EPC1: variants seen among roughly 807,000 people sequenced by gnomAD.
EPC1 encodes enhancer of polycomb homolog 1.
In EPC1, 12 loss-of-function variants were observed where a neutral mutation model predicts 98.4. That is an observed-to-expected ratio of 0.12 (90% CI 0.08 to 0.20). The LOEUF is 0.20. Ranked by LOEUF, EPC1 falls within the 10% of genes least tolerant of loss-of-function variation. The pLI, the probability that EPC1 is intolerant of heterozygous loss-of-function variation, is 1.00. For missense variants in EPC1, 729 were observed against 990.5 expected, an observed-to-expected ratio of 0.74 and a Z score of 3.54; for synonymous variants, 357 against 363.9, an observed-to-expected ratio of 0.98 and a Z score of 0.21.
intron 11 of EPC1, 152 bp downstream of exon 11, chr10:32,273,011 C>CA: frequency 6.2e-7 from 1 of 1,612,820 alleles, no homozygotes; most frequent in East Asian, 2.2e-5. Context: ...CTTCCATACT[C>CA]ACCTGTAGTG....
chr10:32,324,445 C>T (rs971272840), intron 1 of EPC1, among the ~76,000 whole-genome samples: 2 of 150,298 alleles, frequency 1.3e-5, no homozygotes, highest in Non-Finnish European at 3.0e-5. Flanking sequence ...GCAGAAGAAT[C>T]GCTTGAACTC....
chr10:32,336,963 AT>A (rs1241985852), intron 1 of EPC1, among the ~76,000 whole-genome samples: 1 of 152,096 alleles, frequency 6.6e-6, no homozygotes, highest in Non-Finnish European at 1.5e-5. Flanking sequence ...TACCTGGGTT[AT>A]TTCTATGTCT....
At chr10:32,271,941 T>C (rs545836962) in intron 12 of EPC1, 24 bp from the exon 13 acceptor site, 16 of 1,605,300 alleles carry the variant, frequency 1.0e-5, no homozygotes, top group East Asian at 4.5e-5. Context: ...GAAAGAAACA[T>C]CTAAACAATG....
In EPC1 at chr10:32,322,286, C is replaced by T. The variant is rs533201809; in HGVS notation, c.154-16355G>A. ...CCTCTGGATTTCTAACACTTTGCTTCTATCTTTGACACATTTACTATACCA... is the reference window on the plus strand; with the variant it reads ...CCTCTGGATTTCTAACACTTTGCTTTTATCTTTGACACATTTACTATACCA... On this transcript the variant is annotated intron_variant, in intron 1 of 13. Transcript: ENST00000319778. Among the ~76,000 whole-genome samples, 3 of 152,180 alleles carry T rather than the reference C, an allele frequency of 2.0e-5. No individual in the cohort carries two copies. The South Asian group carries it at 6.2e-4, about 32-fold the overall frequency.
Position 32,372,786 on chromosome 10 carries a change from C to T in EPC1, c.3+5705G>A, listed in dbSNP as rs575027187. Among the ~76,000 whole-genome samples, 5 of 152,298 alleles carry T rather than the reference C, an allele frequency of 3.3e-5. No homozygotes were observed. The East Asian group carries it at 7.7e-4, about 24-fold the overall frequency. ...CCTGTAATCCCAGCACTTTGGCAGC[C>T]GAGGCGGGTGGATCACCTGAGATCA... On this transcript the variant is annotated intron_variant, in intron 1 of 13. Coordinates refer to the EPC1 transcript ENST00000375110.
chr10:32,335,767 CTGA>C (rs2132996223), intron 1 of EPC1, among the ~76,000 whole-genome samples: 1 of 152,290 alleles, frequency 6.6e-6, no homozygotes, highest in East Asian at 1.9e-4. Flanking sequence ...CTCGCCCACG[CTGA>C]TCTTTTCCTC....
chr10:32,344,106 G>A (rs1230226882), intron 1 of EPC1, among the ~76,000 whole-genome samples: 1 of 152,248 alleles, frequency 6.6e-6, no homozygotes, highest in East Asian at 1.9e-4. Context: ...CTCTTTATTA[G>A]AAGTACAAAA....
chr10:32,277,613 G>A (rs183873563), intron 10 of EPC1, among the ~76,000 whole-genome samples: 300 of 152,236 alleles, frequency 2.0e-3, no homozygotes, highest in Middle Eastern at 3.4e-3. Context: ...AAGCTGGAGT[G>A]CAGTGGTGTG....
intron 10 of EPC1, chr10:32,282,131 T>C (rs1836442282): frequency 6.6e-6 from 1 of 152,212 alleles, no homozygotes; most frequent in African/African-American, 2.4e-5. Flanking sequence ...CCTACAGTAG[T>C]CTGTAGGTAT....
At chr10:32,350,710 A>G (rs912996414), upstream of EPC1, among the ~76,000 whole-genome samples, 1 of 152,232 alleles carries the variant, frequency 6.6e-6, no homozygotes, top group Non-Finnish European at 1.5e-5. Context: ...ATAGCACAAG[A>G]AATGTGATTT....
intron 1 of EPC1, among the ~76,000 whole-genome samples, chr10:32,360,723 G>A (rs146691656): frequency 0.012 from 1,817 of 152,148 alleles, 40 homozygotes; most frequent in African/African-American, 0.042. Context: ...GTGAAACCCC[G>A]TCTCTACTAA....
chr10:32,288,839 C>G (rs1376578694), intron 6 of EPC1, among the ~76,000 whole-genome samples: 1 of 151,858 alleles, frequency 6.6e-6, no homozygotes, highest in African/African-American at 2.4e-5. Context: ...CCTGTAATCC[C>G]AGCACTTTGG....
chr10:32,362,715 T>G (rs945710606), intron 1 of EPC1, among the ~76,000 whole-genome samples: 1 of 152,158 alleles, frequency 6.6e-6, no homozygotes, highest in African/African-American at 2.4e-5. Context: ...ACCTGGATAG[T>G]TTTTGGCCCA....
chr10:32,361,383 C>T (rs775926409), intron 1 of EPC1, among the ~76,000 whole-genome samples: 3 of 152,098 alleles, frequency 2.0e-5, no homozygotes, highest in Non-Finnish European at 4.4e-5. Context: ...ATGCCACCCC[C>T]AAAATTTATT....
At chr10:32,355,376 A>C (rs1839241177) in intron 1 of EPC1, among the ~76,000 whole-genome samples, 1 of 152,214 alleles carries the variant, frequency 6.6e-6, no homozygotes, top group Non-Finnish European at 1.5e-5. Context: ...CCAACAATTA[A>C]TTTCTCAGAA....
intron 13 of EPC1, among the ~76,000 whole-genome samples, chr10:32,270,821 C>CA (rs55931034): frequency 1.9e-4 from 11 of 57,984 alleles, no homozygotes; most frequent in African/African-American, 2.7e-4. Context: ...GACTCGGTCT[C>CA]AAAAAAAAAA....
At chr10:32,327,856 T>A (rs970506025) in intron 1 of EPC1, among the ~76,000 whole-genome samples, 1 of 152,234 alleles carries the variant, frequency 6.6e-6, no homozygotes, top group African/African-American at 2.4e-5. Context: ...GAGTCATGTC[T>A]GTGATCTGTT....
intron 10 of EPC1, among the ~76,000 whole-genome samples, chr10:32,273,736 GTA>G (rs1296091203): frequency 6.6e-6 from 1 of 151,938 alleles, no homozygotes; most frequent in Non-Finnish European, 1.5e-5. Context: ...ATGGCTCTGT[GTA>G]TATATACTAA....
At position 32,287,090 on chromosome 10, in the gene EPC1, A is replaced by G. The variant is rs755108706; in HGVS notation, c.1152+8T>C. 25 of 1,614,088 alleles carry G rather than the reference A, an allele frequency of 1.5e-5. No individual in the cohort carries two copies. Among genetic ancestry groups the G allele is most frequent in the Non-Finnish European group, 2.1e-5 (25 of 1,180,002 alleles). ...CTCCTCAATGTTCATAGAGAATTGTATTTGTACCTGGGAGAGAGGTTCTTC... is the reference window on the plus strand; with the variant it reads ...CTCCTCAATGTTCATAGAGAATTGTGTTTGTACCTGGGAGAGAGGTTCTTC... On this transcript the variant is annotated splice_region_variant and intron_variant, in intron 7 of 13. Coordinates refer to ENST00000319778, the MANE Select transcript of EPC1 (RefSeq NM_001272004.3).
Sources: allele counts gnomAD v4.1 joint callset (sites outside exome capture counted in the v4.1 genomes callset), GRCh38; gene constraint gnomAD v4.1.1; transcripts MANE v1.5; gene names NCBI Gene and HGNC (gene_info 2026-07-23, HGNC 2026-07-21).